The following CASP10 variants were observed in gnomAD, a reference collection of about 807,000 sequenced individuals.
The protein encoded by CASP10 is caspase-10.
A neutral mutation model predicts 48.5 loss-of-function variants in CASP10; 41 were observed. The ratio of observed to expected loss-of-function variants is 0.85; its 90% CI spans 0.66 to 1.10. The LOEUF (loss-of-function observed/expected upper bound fraction) is 1.10, where lower values mean the gene tolerates loss of function less well. CASP10 is among the 50% of genes least tolerant of loss of function. The probability of loss-of-function intolerance (pLI) is 0.00; values close to 1 mark genes in which losing one functional copy is unlikely to be tolerated. For missense variants in CASP10, 614 were observed against 614.5 expected (o/e 1.00, Z 0.01); for synonymous variants, 232 against 238.4 (o/e 0.97, Z 0.25).
Position 201,220,268 on chromosome 2 carries a change from G to A in CASP10, c.*2527G>A, listed in dbSNP as rs1334411673. 18 of 495,040 alleles carry A rather than the reference G, an allele frequency of 3.6e-5. No individual in the cohort carries two copies. The highest frequency in any genetic ancestry group is 6.4e-5 in the Admixed American group (1 of 15,562). 30.7% of individuals were successfully genotyped at this position (495,040 alleles called of 1,614,324 possible). A position where few individuals can be genotyped will look rare whatever the true frequency, so the allele number is the denominator to read the frequency against. On this transcript the variant is annotated 3_prime_UTR_variant, in exon 10 of 10. Coordinates refer to ENST00000286186, the MANE Select transcript of CASP10 (RefSeq NM_032977.4). ...AGGAAATCACTTCTTTTCTAACAGC[G>A]AGCAGCCAGAAAGAGAAGAGAGTAA...
At chr2:201,199,921 T>G (rs753379578) in intron 5 of CASP10, among the ~76,000 whole-genome samples, 22 of 152,158 alleles carry the variant, frequency 1.4e-4, no homozygotes, top group Non-Finnish European at 1.5e-5. Flanking sequence ...TGACATTTAA[T>G]TTCCTCTTTT....
Position 201,220,771 on chromosome 2 carries a change from T to C in CASP10, c.*3030T>C, listed in dbSNP as rs1436570583. 4.1e-5 allele frequency: 40 copies of C among 985,368 alleles called. No homozygotes were observed. Among genetic ancestry groups the C allele is most frequent in the Non-Finnish European group, 4.6e-5 (38 of 829,956 alleles). The allele number at this position is 985,368 out of a possible 1,614,324, so 61.0% of individuals were successfully genotyped here. On this transcript the variant is annotated 3_prime_UTR_variant, in exon 10 of 10. Coordinates refer to ENST00000286186, the MANE Select transcript of CASP10 (RefSeq NM_032977.4). ...GTCAGGATGATCTCCCAAAACCGTG[T>C]TCATAACAGTCAGGGCCAAAAGCTA...
downstream of CASP10, among the ~76,000 whole-genome samples, chr2:201,221,966 T>A (rs1945730503): frequency 6.6e-6 from 1 of 152,186 alleles, no homozygotes; most frequent in African/African-American, 2.4e-5. Flanking sequence ...TGGTAGAGTG[T>A]GCCCTCCAAG....
chr2:201,205,041 A>G (rs1343841109), intron 6 of CASP10, among the ~76,000 whole-genome samples: 1 of 151,956 alleles, frequency 6.6e-6, no homozygotes, highest in Non-Finnish European at 1.5e-5. Flanking sequence ...GAAAAAGAAA[A>G]CTGTTTGATG....
At chr2:201,211,541 A>T (rs549492497) in intron 9 of CASP10, among the ~76,000 whole-genome samples, 1 of 152,320 alleles carries the variant, frequency 6.6e-6, no homozygotes, top group Non-Finnish European at 1.5e-5. Context: ...GTTGTCAGAC[A>T]TGTCAGGATT....
chr2:201,227,031 G>T (rs925832583), intron 9 of CASP10, among the ~76,000 whole-genome samples: 7 of 152,052 alleles, frequency 4.6e-5, no homozygotes, highest in African/African-American at 1.7e-4. Flanking sequence ...GATGCATGGG[G>T]GTGATGAGAA....
intron 6 of CASP10, 131 bp from the exon 7 acceptor site, chr2:201,205,751 A>C (rs985441120): frequency 1.4e-6 from 1 of 703,080 alleles, no homozygotes; most frequent in African/African-American, 1.7e-5. Flanking sequence ...CAGGAAGGGC[A>C]TGGTGGCTGA....
chr2:201,190,345 T>C (rs1405522587), intron 3 of CASP10, among the ~76,000 whole-genome samples: 1 of 152,128 alleles, frequency 6.6e-6, no homozygotes, highest in African/African-American at 2.4e-5. Flanking sequence ...TCAGTAATTC[T>C]TGGAGAATTT....
intron 6 of CASP10, among the ~76,000 whole-genome samples, chr2:201,205,206 CT>C (rs1157161662): frequency 6.6e-6 from 1 of 151,028 alleles, no homozygotes; most frequent in African/African-American, 2.4e-5. Context: ...TTTTTCCCCT[CT>C]TTTTTCTTTT....
chr2:201,215,220 T>G (rs1413607677), intron 9 of CASP10, among the ~76,000 whole-genome samples: 1 of 145,802 alleles, frequency 6.9e-6, no homozygotes, highest in African/African-American at 2.6e-5. Context: ...GGTTTTTTTT[T>G]TTTTTTTTTT....
rs959259807 is a variant in CASP10 at position 201,221,656 on chromosome 2, C to G, written c.*3915C>G. The G allele has an allele frequency of 1.3e-5, 2 of 152,230 alleles. No homozygotes were observed. Among genetic ancestry groups the G allele is most frequent in the Admixed American group, 1.3e-4 (2 of 15,274 alleles). 9.4% of individuals were successfully genotyped at this position (152,230 alleles called of 1,614,324 possible). On this transcript the variant is annotated 3_prime_UTR_variant, in exon 10 of 10. Transcript: ENST00000286186. ...CCCAGGTGATTAAAAAGCTTTATTGCTCACACAAAGCCTGTTTGGTTGTCT... is the reference window on the plus strand; with the variant it reads ...CCCAGGTGATTAAAAAGCTTTATTGGTCACACAAAGCCTGTTTGGTTGTCT...
Position 201,219,834 on chromosome 2 carries a change from T to C in CASP10, c.*2093T>C. The C allele has an allele frequency of 1.0e-6, 1 of 984,982 alleles. No individual in the cohort carries two copies. The highest frequency in any genetic ancestry group is 4.7e-5 in the South Asian group (1 of 21,278). The allele number at this position is 984,982 out of a possible 1,614,324, so 61.0% of individuals were successfully genotyped here. A position where few individuals can be genotyped will look rare whatever the true frequency, so the allele number is the denominator to read the frequency against. On this transcript the variant is annotated 3_prime_UTR_variant, in exon 10 of 10. Transcript: ENST00000286186. The stretch of plus-strand genomic sequence containing the variant: ...GTCCTGTGGTTAACGCCTTCATTTA[T>C]AGATGAGGCAGCTGAGGCCTGGGGA...
downstream of CASP10, among the ~76,000 whole-genome samples, chr2:201,222,220 CTTTTTT>C (rs11392581): frequency 2.4e-4 from 33 of 136,636 alleles, no homozygotes; most frequent in Admixed American, 1.3e-3. Flanking sequence ...TTTATTCATT[CTTTTTT>C]TTTTTTTTTT....
chr2:201,221,210 A>G lies in CASP10; in HGVS notation c.*3469A>G. 1 of 985,344 alleles carries G rather than the reference A, an allele frequency of 1.0e-6. No homozygotes were observed. Among genetic ancestry groups the G allele is most frequent in the Non-Finnish European group, 1.2e-6 (1 of 829,920 alleles). 61.0% of individuals were successfully genotyped at this position (985,344 alleles called of 1,614,324 possible). A position where few individuals can be genotyped will look rare whatever the true frequency, so the allele number is the denominator to read the frequency against. ...CCTGACATACTCTGAGTAAGATCTA[A>G]TTCTTCCCTCACTGGTTCGTGATGT... On this transcript the variant is annotated 3_prime_UTR_variant, in exon 10 of 10. Coordinates refer to ENST00000286186, the MANE Select transcript of CASP10 (RefSeq NM_032977.4).
chr2:201,196,484 G>T (rs1052537039), intron 5 of CASP10, among the ~76,000 whole-genome samples: 1 of 152,188 alleles, frequency 6.6e-6, no homozygotes, highest in Non-Finnish European at 1.5e-5. Flanking sequence ...TGGGTGGAAG[G>T]GGAAACGTTG....
rs769311436 is a variant in CASP10 at position 201,203,676 on chromosome 2, C to T, written c.685-54C>T. 266 of 1,505,896 alleles carry T rather than the reference C, an allele frequency of 1.8e-4. 1 individual carries two copies. Among genetic ancestry groups the T allele is most frequent in the Admixed American group, 9.2e-4 (55 of 59,850 alleles). The allele number at this position is 1,505,896 out of a possible 1,614,324, so 93.3% of individuals were successfully genotyped here. On this transcript the variant is annotated intron_variant, in intron 5 of 9. Transcript: ENST00000286186. ...TGCATCAAGTCTAGTTTTTGTTCCTCATCCTAACTGTGTGAAATTCCTATG... is the reference window on the plus strand; with the variant it reads ...TGCATCAAGTCTAGTTTTTGTTCCTTATCCTAACTGTGTGAAATTCCTATG...
intron 5 of CASP10, among the ~76,000 whole-genome samples, chr2:201,202,498 G>A (rs935384592): frequency 1.3e-5 from 2 of 152,232 alleles, no homozygotes; most frequent in African/African-American, 4.8e-5. Context: ...GAGGGGCTGG[G>A]CAGAGCCTGC....
intron 5 of CASP10, among the ~76,000 whole-genome samples, chr2:201,198,748 G>T (rs1048018122): frequency 1.3e-5 from 2 of 150,196 alleles, no homozygotes; most frequent in African/African-American, 4.9e-5. Context: ...CACCGTGTTA[G>T]CCAGGATGGT....
Position 201,209,488 on chromosome 2 carries a change from A to G in CASP10, c.1341A>G (p.Val447=). 1.9e-6 allele frequency: 3 copies of G among 1,613,910 alleles called. No homozygotes were observed. The highest frequency in any genetic ancestry group is 2.5e-6 in the Non-Finnish European group (3 of 1,179,890). The change falls in exon 9 of 10, where the codon GTA becomes GTG. Residue 447 remains valine, a synonymous_variant. Transcript: ENST00000286186. ...GTCTGGCCACTGTCCCAGGCTATGT[A>G]TCCTTTCGGCATGTGGAGGAAGGCA... ...LLGLATVPGY[V]SFRHVEEGSW... is the part of the protein sequence containing the mutation.
Sources: allele counts gnomAD v4.1 joint callset (sites outside exome capture counted in the v4.1 genomes callset), GRCh38; gene constraint gnomAD v4.1.1; transcripts MANE v1.5; gene names NCBI Gene and HGNC (gene_info 2026-07-23, HGNC 2026-07-21).